S100A4: variants seen among roughly 807,000 people sequenced by gnomAD.
The protein encoded by S100A4 is S100 calcium binding protein A4, also known as protein S100-A4.
S100A4 carries 4 observed loss-of-function variants against 6.3 expected under a neutral mutation model. That is an observed-to-expected ratio of 0.64 (90% CI 0.31 to 1.46). The LOEUF (loss-of-function observed/expected upper bound fraction) is 1.46. S100A4 is among the 40% of genes most tolerant of loss of function. S100A4 has a pLI of 0.07. For synonymous variants in S100A4, 44 were observed against 47.6 expected (o/e 0.92, Z 0.32); for missense variants, 108 against 120.8 (o/e 0.89, Z 0.50).
chr1:153,544,623 G>A (rs775835301), intron 2 of S100A4, 31 bp downstream of exon 2: 23 of 1,613,552 alleles, frequency 1.4e-5, no homozygotes, highest in East Asian at 8.9e-5. Context: ...AATGCCCCAC[G>A]TGGGGACTCA....
At chr1:153,544,591 A>C (rs893547471) in intron 2 of S100A4, 63 bp downstream of exon 2, 1 of 1,603,856 alleles carries the variant, frequency 6.2e-7, no homozygotes, top group African/African-American at 1.4e-5. Context: ...CTAGAGCAAG[A>C]CTGCTGCCCT....
Position 153,544,717 on chromosome 1 carries a change from C to T in S100A4, c.78G>A (p.Lys26=), listed in dbSNP as rs868262406. Residue 26 remains lysine, a synonymous_variant, in exon 2 of 3, where the codon AAG becomes AAA. Coordinates refer to ENST00000368716, the MANE Select transcript of S100A4 (RefSeq NM_002961.3). ...TTAGTTCTGACTTGTTGAGCTTGAACTTGTCACCCTCTTTGCCCGAGTACT... is the reference window on the plus strand; with the variant it reads ...TTAGTTCTGACTTGTTGAGCTTGAATTTGTCACCCTCTTTGCCCGAGTACT... The part of the protein sequence containing the change: ...FHKYSGKEGD[K]FKLNKSELKE... 1.3e-5 allele frequency: 21 copies of T among 1,614,138 alleles called. No homozygotes were observed. The highest frequency in any genetic ancestry group is 1.7e-5 in the Non-Finnish European group (20 of 1,180,042).
chr1:153,544,772 G>T lies in S100A4; in HGVS notation c.23C>A (p.Ala8Asp), dbSNP rs566299932. MACPLEK[A>D]LDVMVSTFHK... ...GAAGGTGGACACCATCACATCCAGG[G>T]CCTTCTCCAGAGGGCACGCCATGAC... The change falls in exon 2 of 3, where the codon GCC (alanine) becomes GAC (aspartate). Residue 8 changes from alanine (A) to aspartate (D), a missense_variant. Ala to Asp is a moderately radical substitution (Grantham distance 126). Transcript: ENST00000368716. 1.2e-6 allele frequency: 2 copies of T among 1,614,066 alleles called. No individual in the cohort carries two copies. The highest frequency in any genetic ancestry group is 1.7e-6 in the Non-Finnish European group (2 of 1,180,026).
rs368520021 is a variant in S100A4 at position 153,543,899 on chromosome 1, G to A, written c.166C>T (p.Gln56Ter). The A allele has an allele frequency of 6.2e-7, 1 of 1,614,016 alleles. No homozygotes were observed. The highest frequency in any genetic ancestry group is 1.3e-5 in the African/African-American group (1 of 74,918). The change falls in exon 3 of 3, where the codon CAG becomes TAG. Residue 56 changes from glutamine to a stop codon, truncating the protein, a stop_gained. Transcript: ENST00000368716. LOFTEE classifies it high-confidence loss of function. ...LGKRTDEAAF[Q>*]KLMSNLDSNR... Reference sequence around the variant, plus strand: ...CTGTCCAAGTTGCTCATCAGCTTCTGGAAAGCAGCTTCATCTGTCCTTTTC... The same window carrying A: ...CTGTCCAAGTTGCTCATCAGCTTCTAGAAAGCAGCTTCATCTGTCCTTTTC...
In S100A4 at chr1:153,543,743, C is replaced by T. The variant is rs1314183770; in HGVS notation, c.*16G>A. ...GGCCCCAGCTGGCAGACCCCCCAACCACATCAGAGGAGTTTTCATTTCTTC... is the reference window on the plus strand; with the variant it reads ...GGCCCCAGCTGGCAGACCCCCCAACTACATCAGAGGAGTTTTCATTTCTTC... On this transcript the variant is annotated 3_prime_UTR_variant, in exon 3 of 3. Transcript: ENST00000368716. 1 of 1,609,908 alleles carries T rather than the reference C, an allele frequency of 6.2e-7. No individual in the cohort carries two copies. The highest frequency in any genetic ancestry group is 1.3e-5 in the African/African-American group (1 of 74,800).
chr1:153,543,630 A>T lies in S100A4; in HGVS notation c.*129T>A. 1.0e-6 allele frequency: 1 copy of T among 960,188 alleles called. No homozygotes were observed. The highest frequency in any genetic ancestry group is 1.6e-6 in the Non-Finnish European group (1 of 630,580). The allele number at this position is 960,188 out of a possible 1,614,324, so 59.5% of individuals were successfully genotyped here. Reference sequence around the variant, plus strand: ...TCAAACCATCAGCCTCAAAACTTCCAAGAATCTTTATTGAACTTGCTCAGC... The same window carrying T: ...TCAAACCATCAGCCTCAAAACTTCCTAGAATCTTTATTGAACTTGCTCAGC... On this transcript the variant is annotated 3_prime_UTR_variant, in exon 3 of 3. Coordinates refer to ENST00000368716, the MANE Select transcript of S100A4 (RefSeq NM_002961.3).
chr1:153,545,118 A>C, intron 1 of S100A4: 3 of 261,768 alleles, frequency 1.1e-5, no homozygotes, highest in Non-Finnish European at 2.3e-5. Context: ...CAGTCTATCC[A>C]CTCCCACAGC....
rs73026343 is a variant in S100A4, at chr1:153,543,971, G to C, written c.142-48C>G. On this transcript the variant is annotated intron_variant, in intron 2 of 2. Coordinates refer to ENST00000368716, the MANE Select transcript of S100A4 (RefSeq NM_002961.3). Reference sequence around the variant, plus strand: ...ATAGAAAACAGAAGCCCAGTGGGTGGAGCCAGGACCAGACCCAGTTTCTAC... The same window carrying C: ...ATAGAAAACAGAAGCCCAGTGGGTGCAGCCAGGACCAGACCCAGTTTCTAC... 1,871 of 1,604,928 alleles carry C rather than the reference G, an allele frequency of 1.2e-3. 19 individuals are homozygous for C. In the African/African-American group the frequency reaches 0.022, roughly 19 times the overall value.
intron 2 of S100A4, 48 bp downstream of exon 2, chr1:153,544,606 T>C (rs1171424283): frequency 1.2e-6 from 2 of 1,608,776 alleles, no homozygotes; most frequent in East Asian, 2.2e-5. Context: ...TGCCCTCCTC[T>C]GTGGGAAATG....
Position 153,544,669 on chromosome 1 carries a change from CA to C in S100A4, c.125del (p.Leu42ArgfsTer17), listed in dbSNP as rs763775392. On this transcript the variant is annotated frameshift_variant, in exon 2 of 3. Transcript: ENST00000368716. LOFTEE classifies it high-confidence loss of function. ...SELKELLTRE[L>X]PSFLGKRTDE... The stretch of plus-strand genomic sequence containing the variant: ...ACCCACTCACCCCCAAGAAGCTGGG[CA>C]GCTCCCGGGTCAGCAGCTCCTTTAG... 6.2e-7 allele frequency: 1 copy of C among 1,614,222 alleles called. No homozygotes were observed. The highest frequency in any genetic ancestry group is 8.5e-7 in the Non-Finnish European group (1 of 1,180,026).
At chr1:153,545,170 A>T (rs1197810057) in intron 1 of S100A4, 4 of 214,268 alleles carry the variant, frequency 1.9e-5, no homozygotes, top group Non-Finnish European at 3.9e-5. Context: ...TTTCCCTCCC[A>T]GAACTGGGTG....
chr1:153,545,476 G>T (rs756146806), intron 1 of S100A4: 3 of 152,742 alleles, frequency 2.0e-5, no homozygotes, highest in South Asian at 4.1e-4. Flanking sequence ...ATACCAACAC[G>T]TACTATAGCA....
chr1:153,544,074 A>AG, intron 2 of S100A4, 151 bp from the exon 3 acceptor site: 1 of 737,968 alleles, frequency 1.4e-6, no homozygotes, highest in Non-Finnish European at 2.2e-6. Flanking sequence ...GCTAGGGTGG[A>AG]GAAGGTGCTC....
chr1:153,543,809 A>G lies in S100A4; in HGVS notation c.256T>C (p.Cys86Arg). The change falls in exon 3 of 3, where the codon TGT becomes CGT. Residue 86 changes from cysteine to arginine, a missense_variant. By Grantham distance (180) the Cys-to-Arg change is radical (BLOSUM62 -3). Transcript: ENST00000368716. ...CVFLSCIAMM[C>R]NEFFEGFPDK... ...GGGAAGCCTTCAAAGAATTCGTTAC[A>G]CATCATGGCGATGCAGGACAGGAAG... 6.2e-7 allele frequency: 1 copy of G among 1,614,092 alleles called. No individual in the cohort carries two copies. Among genetic ancestry groups the G allele is most frequent in the South Asian group, 1.1e-5 (1 of 91,076 alleles).
chr1:153,544,913 C>G, intron 1 of S100A4, 104 bp from the exon 2 acceptor site: 1 of 1,437,966 alleles, frequency 7.0e-7, no homozygotes, highest in Non-Finnish European at 9.5e-7. Flanking sequence ...CTTGGCGAGA[C>G]TCTGCTCCCT....
chr1:153,543,915 T>A lies in S100A4; in HGVS notation c.150A>T (p.Thr50=), dbSNP rs1665469492. 6.2e-7 allele frequency: 1 copy of A among 1,613,918 alleles called. No homozygotes were observed. The highest frequency in any genetic ancestry group is 8.5e-7 in the Non-Finnish European group (1 of 1,180,024). ...TCAGCTTCTGGAAAGCAGCTTCATC[T>A]GTCCTTTTCTGGAGGGAGAAGAGGC... ...RELPSFLGKR[T]DEAAFQKLMS... is the part of the protein sequence containing the mutation. The change falls in exon 3 of 3, where the codon ACA becomes ACT. Residue 50 remains threonine (T), a synonymous_variant. Coordinates refer to ENST00000368716, the MANE Select transcript of S100A4 (RefSeq NM_002961.3).
chr1:153,544,677 G>A lies in S100A4; in HGVS notation c.118C>T (p.Arg40Trp), dbSNP rs576307674. 82 of 1,614,166 alleles carry A rather than the reference G, an allele frequency of 5.1e-5. No homozygotes were observed. In the Middle Eastern group the frequency reaches 9.9e-4, roughly 19 times the overall value. The change falls in exon 2 of 3, where the codon CGG (arginine) becomes TGG (tryptophan). Residue 40 changes from arginine (R) to tryptophan (W), a missense_variant. By Grantham distance (101) the Arg-to-Trp change is moderately radical (BLOSUM62 -3). Coordinates refer to ENST00000368716, the MANE Select transcript of S100A4 (RefSeq NM_002961.3). ...NKSELKELLT[R>W]ELPSFLGKRT... ...ACCCCCAAGAAGCTGGGCAGCTCCCGGGTCAGCAGCTCCTTTAGTTCTGAC... is the reference window on the plus strand; with the variant it reads ...ACCCCCAAGAAGCTGGGCAGCTCCCAGGTCAGCAGCTCCTTTAGTTCTGAC...
chr1:153,543,855 C>T lies in S100A4; in HGVS notation c.210G>A (p.Val70=), dbSNP rs769444857. Residue 70 remains valine, a synonymous_variant, in exon 3 of 3, where the codon GTG becomes GTA. Transcript: ENST00000368716. ...GGAAGACACAGTACTCTTGGAAGTC[C>T]ACCTCGTTGTCCCTGTTGCTGTCCA... is the stretch of plus-strand genomic sequence containing the variant. ...SNLDSNRDNE[V]DFQEYCVFLS... The T allele has an allele frequency of 1.2e-6, 2 of 1,614,178 alleles. No individual in the cohort carries two copies. The highest frequency in any genetic ancestry group is 1.7e-5 in the Admixed American group (1 of 60,020).
intron 1 of S100A4, chr1:153,545,232 C>G (rs565667666): frequency 4.5e-4 from 84 of 188,194 alleles, no homozygotes; most frequent in African/African-American, 1.9e-3. Flanking sequence ...CCAGCACAGC[C>G]GCTTAGCTCT....
Sources: gnomAD v4.1 joint callset for allele counts on GRCh38, gnomAD v4.1.1 for gene constraint, MANE v1.5 for transcripts, NCBI Gene and HGNC (gene_info 2026-07-23, HGNC 2026-07-21) for gene names.